The following C11orf65 variants were observed in gnomAD, a reference collection of about 807,000 sequenced individuals.
The protein encoded by C11orf65 is chromosome 11 open reading frame 65.
In C11orf65, 38 loss-of-function variants were observed where a neutral mutation model predicts 35.3. That is an observed-to-expected ratio of 1.08 (90% CI 0.83 to 1.41). The LOEUF (loss-of-function observed/expected upper bound fraction) is 1.41, where lower values mean the gene tolerates loss of function less well. Ranked by LOEUF, C11orf65 falls within the 40% of genes most tolerant of loss-of-function variation. The pLI is 0.00. For missense variants in C11orf65, 370 were observed against 367.1 expected, an observed-to-expected ratio of 1.01 and a Z score of -0.06; for synonymous variants, 105 against 114.4, an observed-to-expected ratio of 0.92 and a Z score of 0.53.
At chr11:108,438,323 G>A (rs552663388) in intron 2 of C11orf65, among the ~76,000 whole-genome samples, 12 of 152,106 alleles carry the variant, frequency 7.9e-5, no homozygotes, top group South Asian at 2.1e-4. Context: ...AGGCCGAGAC[G>A]GGCAGATCAC....
intron 6 of C11orf65, among the ~76,000 whole-genome samples, chr11:108,398,431 G>T (rs1223331410): frequency 6.6e-6 from 1 of 152,162 alleles, no homozygotes; most frequent in East Asian, 1.9e-4. Context: ...GAAATACTGA[G>T]AAGAAACAAC....
downstream of C11orf65, chr11:108,382,639 G>A (rs962943918): frequency 1.3e-5 from 4 of 296,368 alleles, no homozygotes; most frequent in Non-Finnish European, 2.0e-5. Context: ...CGTGGGAGAG[G>A]GGATTTAAAG....
At chr11:108,338,921 A>C (rs193118007) in intron 2 of C11orf65, among the ~76,000 whole-genome samples, 1 of 152,322 alleles carries the variant, frequency 6.6e-6, no homozygotes, top group East Asian at 1.9e-4. Flanking sequence ...TCATCTGTAG[A>C]GTCATTCCCA....
chr11:108,334,908 T>G, intron 3 of C11orf65: 2 of 1,548,130 alleles, frequency 1.3e-6, no homozygotes, highest in Non-Finnish European at 1.8e-6. Flanking sequence ...TATAATGTAT[T>G]TTTCTTTAAG....
At chr11:108,352,892 A>G (rs2089383235) in intron 2 of C11orf65, among the ~76,000 whole-genome samples, 1 of 152,202 alleles carries the variant, frequency 6.6e-6, no homozygotes, top group African/African-American at 2.4e-5. Context: ...TGGAGAACAG[A>G]TTAGTGGCTG....
chr11:108,356,219 ATATT>A, intron 2 of C11orf65: 1 of 152,244 alleles, frequency 6.6e-6, no homozygotes, highest in South Asian at 2.1e-4. Context: ...CTCTAAAGTT[ATATT>A]ATCTTGCACT....
upstream of C11orf65, among the ~76,000 whole-genome samples, chr11:108,469,707 T>C (rs1270136947): frequency 6.6e-6 from 1 of 152,062 alleles, no homozygotes; most frequent in Non-Finnish European, 1.5e-5. Flanking sequence ...CTCTAATACA[T>C]GTAAAAATTG....
At chr11:108,466,316 G>C (rs1359866294) in intron 1 of C11orf65, among the ~76,000 whole-genome samples, 1 of 152,152 alleles carries the variant, frequency 6.6e-6, no homozygotes, top group Non-Finnish European at 1.5e-5. Flanking sequence ...GCTCAGGCCT[G>C]TAATCCTAAC....
At chr11:108,429,308 G>A (rs148567964) in intron 3 of C11orf65, among the ~76,000 whole-genome samples, 1 of 152,338 alleles carries the variant, frequency 6.6e-6, no homozygotes, top group East Asian at 1.9e-4. Flanking sequence ...TAGAGGTATA[G>A]ATGAAATAAG....
intron 3 of C11orf65, among the ~76,000 whole-genome samples, chr11:108,423,364 G>A (rs915697186): frequency 6.6e-6 from 1 of 152,190 alleles, no homozygotes; most frequent in Admixed American, 6.5e-5. Context: ...ACAACAGTCT[G>A]AAATCGACCT....
intron 2 of C11orf65, chr11:108,343,349 T>G: frequency 6.2e-7 from 1 of 1,613,940 alleles, no homozygotes; most frequent in Non-Finnish European, 8.5e-7. Context: ...TTCAGTGCCT[T>G]TCAGTGCCAA....
chr11:108,389,519 C>T (rs1396604326), intron 7 of C11orf65, among the ~76,000 whole-genome samples: 1 of 152,138 alleles, frequency 6.6e-6, no homozygotes, highest in Non-Finnish European at 1.5e-5. Context: ...AGAAGATAAA[C>T]TGATAGAAAT....
At chr11:108,440,329 C>G (rs1018154942) in intron 2 of C11orf65, among the ~76,000 whole-genome samples, 2 of 152,114 alleles carry the variant, frequency 1.3e-5, no homozygotes, top group Non-Finnish European at 2.9e-5. Context: ...TTATGGGTTA[C>G]GAATTCTGGT....
intron 8 of C11orf65, among the ~76,000 whole-genome samples, chr11:108,384,398 A>G (rs763214542): frequency 2.4e-4 from 37 of 152,154 alleles, no homozygotes; most frequent in Non-Finnish European, 1.2e-4. Context: ...TTATCTCATT[A>G]TCTCACAACC....
downstream of C11orf65, chr11:108,331,063 A>AT (rs1002650775): frequency 5.0e-6 from 3 of 602,784 alleles, no homozygotes; most frequent in Non-Finnish European, 6.4e-6. Flanking sequence ...TATACACTAA[A>AT]TATTACTTTT....
intron 2 of C11orf65, among the ~76,000 whole-genome samples, chr11:108,444,990 C>T (rs964596748): frequency 3.3e-4 from 50 of 152,302 alleles, no homozygotes; most frequent in Middle Eastern, 6.8e-3. Context: ...CCTACGCCCA[C>T]GGAGTCTTGC....
At chr11:108,401,859 C>G (rs746764887) in intron 6 of C11orf65, among the ~76,000 whole-genome samples, 5 of 152,308 alleles carry the variant, frequency 3.3e-5, no homozygotes, top group East Asian at 3.9e-4. Flanking sequence ...CTACCTAAAT[C>G]AGGCTTTGAT....
Position 108,338,690 on chromosome 11 carries a change from ATAAT to A in C11orf65, c.227-3402_227-3399del, listed in dbSNP as rs144669804. Among the ~76,000 whole-genome samples, 1,402 of 152,150 alleles carry A rather than the reference ATAAT, an allele frequency of 9.2e-3. 23 individuals carry two copies. Among genetic ancestry groups the A allele is most frequent in the African/African-American group, 0.031 (1,280 of 41,484 alleles). ...AAAGTGGGGTTGGGGGGTAACCCAGATAATTAATTATTTAATGTTATACATCTCA... is the reference window on the plus strand; with the variant it reads ...AAAGTGGGGTTGGGGGGTAACCCAGATAATTATTTAATGTTATACATCTCA... On this transcript the variant is annotated intron_variant, in intron 2 of 3. Transcript: ENST00000524755.
intron 6 of C11orf65, chr11:108,325,312 C>T (rs2136306738): frequency 1.5e-6 from 2 of 1,362,238 alleles, no homozygotes; most frequent in Non-Finnish European, 1.0e-6. Context: ...GCATTCAGAT[C>T]AGTCACACAT....
Sources: allele counts gnomAD v4.1 joint callset (sites outside exome capture counted in the v4.1 genomes callset), GRCh38; gene constraint gnomAD v4.1.1; transcripts MANE v1.5; gene names NCBI Gene and HGNC (gene_info 2026-07-23, HGNC 2026-07-21).